CDH12: variants seen among roughly 807,000 people sequenced by gnomAD.
CDH12 encodes cadherin 12, also known as cadherin-12.
In CDH12, 41 loss-of-function variants were observed where a neutral mutation model predicts 74.1. The ratio of observed to expected loss-of-function variants is 0.55; its 90% CI spans 0.43 to 0.72. CDH12 has a LOEUF of 0.72. Ranked by LOEUF, CDH12 falls within the 30% of genes least tolerant of loss-of-function variation. CDH12 has a pLI of 0.00. For missense variants in CDH12, 945 were observed against 977.2 expected, an observed-to-expected ratio of 0.97 and a Z score of 0.44; for synonymous variants, 399 against 355.0, an observed-to-expected ratio of 1.12 and a Z score of -1.39.
chr5:22,375,533 G>T (rs1741483273), intron 3 of CDH12, among the ~76,000 whole-genome samples: 1 of 152,080 alleles, frequency 6.6e-6, no homozygotes. Context: ...GGAAATATTT[G>T]CAAACTATTC....
At chr5:21,860,091 C>CATCT (rs1017556103) in intron 6 of CDH12, among the ~76,000 whole-genome samples, 1 of 151,944 alleles carries the variant, frequency 6.6e-6, no homozygotes, top group Non-Finnish European at 1.5e-5. Flanking sequence ...AGAAGGTCAT[C>CATCT]ATCTATACCA....
chr5:22,253,405 A>C (rs1753200307), intron 3 of CDH12, among the ~76,000 whole-genome samples: 1 of 151,910 alleles, frequency 6.6e-6, no homozygotes, highest in South Asian at 2.1e-4. Flanking sequence ...TAAAATTAGG[A>C]AATTTAAAAC....
At chr5:22,558,902 G>A (rs1476438433) in intron 1 of CDH12, among the ~76,000 whole-genome samples, 3 of 151,982 alleles carry the variant, frequency 2.0e-5, no homozygotes, top group Admixed American at 6.6e-5. Context: ...AACAGAGAAG[G>A]TGTAAAATTA....
At chr5:22,604,969 C>T (rs1463879191) in intron 1 of CDH12, among the ~76,000 whole-genome samples, 3 of 152,212 alleles carry the variant, frequency 2.0e-5, no homozygotes, top group African/African-American at 7.2e-5. Flanking sequence ...TTCCCTCTCT[C>T]TTCTGGGCTC....
intron 1 of CDH12, among the ~76,000 whole-genome samples, chr5:22,733,625 C>G (rs1009446039): frequency 6.6e-6 from 1 of 151,742 alleles, no homozygotes; most frequent in Non-Finnish European, 1.5e-5. Flanking sequence ...TAAAGTCAGC[C>G]TCTCTTCTTC....
intron 4 of CDH12, among the ~76,000 whole-genome samples, chr5:22,130,377 G>A (rs2150286207): frequency 6.6e-6 from 1 of 152,228 alleles, no homozygotes; most frequent in East Asian, 1.9e-4. Context: ...GGGGGTGATG[G>A]ACATTAGAAT....
intron 3 of CDH12, among the ~76,000 whole-genome samples, chr5:22,310,906 G>T (rs962807213): frequency 6.6e-6 from 1 of 152,124 alleles, no homozygotes; most frequent in Non-Finnish European, 1.5e-5. Context: ...TTCTTACCCA[G>T]TAATAAAAAT....
chr5:22,696,239 C>T (rs948749627), intron 1 of CDH12, among the ~76,000 whole-genome samples: 9 of 151,788 alleles, frequency 5.9e-5, no homozygotes, highest in South Asian at 4.2e-4. Flanking sequence ...GGCGTGGTGG[C>T]GGGCACCTGT....
At position 21,755,698 on chromosome 5, in the gene CDH12, T is replaced by C; in HGVS notation, c.1778A>G (p.Asp593Gly). The change falls in exon 14 of 15, where the codon GAC becomes GGC. Residue 593 changes from aspartate (D) to glycine (G), a missense_variant. Asp to Gly is a moderately conservative substitution (Grantham distance 94). Transcript: ENST00000382254. ...NTMTIRVCRC[D>G]SDGTILSCNV... ...ACAAGACAGGATGGTGCCATCAGAG[T>C]CACATCTACAGACTCGAATAGTCAT... is the stretch of plus-strand genomic sequence containing the variant. 1 of 1,613,880 alleles carries C rather than the reference T, an allele frequency of 6.2e-7. No homozygotes were observed. The highest frequency in any genetic ancestry group is 8.5e-7 in the Non-Finnish European group (1 of 1,179,966).
At chr5:21,845,188 A>G (rs1750098198) in intron 7 of CDH12, among the ~76,000 whole-genome samples, 1 of 152,166 alleles carries the variant, frequency 6.6e-6, no homozygotes, top group South Asian at 2.1e-4. Flanking sequence ...GATCCATCAT[A>G]CCATTTCACA....
chr5:22,265,788 A>C (rs1242875377), intron 3 of CDH12, among the ~76,000 whole-genome samples: 1 of 152,120 alleles, frequency 6.6e-6, no homozygotes, highest in Non-Finnish European at 1.5e-5. Context: ...GAGTCCTAAG[A>C]TAATATAAGA....
intron 4 of CDH12, among the ~76,000 whole-genome samples, chr5:22,128,026 G>C (rs1168610929): frequency 6.6e-6 from 1 of 151,882 alleles, no homozygotes; most frequent in Admixed American, 6.6e-5. Context: ...TATAGGTTGT[G>C]ACCTACTGTT....
At chr5:22,320,380 G>GAA (rs1271819282) in intron 3 of CDH12, among the ~76,000 whole-genome samples, 1 of 152,094 alleles carries the variant, frequency 6.6e-6, no homozygotes, top group Non-Finnish European at 1.5e-5. Context: ...TGGATTATTT[G>GAA]ATTCATGCAG....
intron 1 of CDH12, among the ~76,000 whole-genome samples, chr5:22,728,574 A>G (rs745744640): frequency 2.6e-5 from 4 of 151,906 alleles, no homozygotes; most frequent in African/African-American, 4.8e-5. Flanking sequence ...CTAGGCATCC[A>G]CAGGTACTGG....
chr5:22,223,474 G>A (rs1378625133), intron 3 of CDH12, among the ~76,000 whole-genome samples: 4 of 152,028 alleles, frequency 2.6e-5, no homozygotes, highest in Non-Finnish European at 5.9e-5. Context: ...AGCCTAGGAA[G>A]GGGCTGCACC....
At chr5:22,239,053 T>C (rs1032322416) in intron 3 of CDH12, among the ~76,000 whole-genome samples, 3 of 152,218 alleles carry the variant, frequency 2.0e-5, no homozygotes, top group Non-Finnish European at 2.9e-5. Flanking sequence ...ATAAATATGA[T>C]GGTTTTGTCT....
chr5:22,661,109 G>A (rs577077713), intron 1 of CDH12, among the ~76,000 whole-genome samples: 1 of 152,226 alleles, frequency 6.6e-6, no homozygotes, highest in South Asian at 2.1e-4. Context: ...TGCAATTAGA[G>A]GAAGCAAAGA....
intron 3 of CDH12, among the ~76,000 whole-genome samples, chr5:22,364,998 A>C (rs1296366309): frequency 6.6e-6 from 1 of 152,218 alleles, no homozygotes; most frequent in Non-Finnish European, 1.5e-5. Flanking sequence ...AATAAGCAAC[A>C]TTTTAAAGTA....
At chr5:22,126,942 G>A (rs1412884579) in intron 4 of CDH12, among the ~76,000 whole-genome samples, 2 of 152,110 alleles carry the variant, frequency 1.3e-5, no homozygotes, top group Non-Finnish European at 2.9e-5. Context: ...GTTAAAATAC[G>A]TCTTATGGGA....
Sources: gnomAD v4.1 joint callset for allele counts (sites outside exome capture counted in the v4.1 genomes callset) on GRCh38, gnomAD v4.1.1 for gene constraint, MANE v1.5 for transcripts, NCBI Gene and HGNC (gene_info 2026-07-23, HGNC 2026-07-21) for gene names.